The following DENND4A variants were observed in gnomAD, a reference collection of about 807,000 sequenced individuals.
DENND4A encodes the protein DENN domain containing 4A.
A neutral mutation model predicts 199.3 loss-of-function variants in DENND4A; 70 were observed. The observed-to-expected ratio is 0.35, with a 90% confidence interval of 0.29 to 0.43. The LOEUF (loss-of-function observed/expected upper bound fraction) is 0.43, where lower values mean the gene tolerates loss of function less well. Among genes scored for constraint, DENND4A ranks in the 20% least tolerant of loss-of-function variants. The probability of loss-of-function intolerance (pLI) is 1.00; values close to 1 mark genes in which losing one functional copy is unlikely to be tolerated. For synonymous variants in DENND4A, 686 were observed against 766.9 expected (o/e 0.89, Z 1.74); for missense variants, 1,723 against 2,255.8 (o/e 0.76, Z 4.78).
At chr15:65,733,703 A>T (rs1219939537) in intron 7 of DENND4A, among the ~76,000 whole-genome samples, 1 of 152,202 alleles carries the variant, frequency 6.6e-6, no homozygotes, top group Non-Finnish European at 1.5e-5. Flanking sequence ...GTGTAGAAAG[A>T]AGTAGACATA....
intron 6 of DENND4A, 77 bp from the exon 7 acceptor site, chr15:65,738,022 T>A: frequency 7.1e-7 from 1 of 1,413,596 alleles, no homozygotes; most frequent in Non-Finnish European, 9.4e-7. Flanking sequence ...AAATATTTAA[T>A]AAATGCTTGC....
At chr15:65,715,423 A>AT (rs1413929533) in intron 14 of DENND4A, 55 bp downstream of exon 14, 1 of 1,499,502 alleles carries the variant, frequency 6.7e-7, no homozygotes, top group Non-Finnish European at 9.0e-7. Flanking sequence ...AACTCATAAC[A>AT]TTTATAACAG....
intron 22 of DENND4A, among the ~76,000 whole-genome samples, chr15:65,695,836 A>G (rs370845989): frequency 6.6e-6 from 1 of 152,108 alleles, no homozygotes; most frequent in Non-Finnish European, 1.5e-5. Flanking sequence ...CAATCACTGA[A>G]GTATGCTTTA....
intron 1 of DENND4A, among the ~76,000 whole-genome samples, chr15:65,786,351 T>C (rs2141004515): frequency 6.6e-6 from 1 of 152,282 alleles, no homozygotes. Context: ...GACACAATCA[T>C]ATTAACAGCT....
chr15:65,728,859 A>G (rs1268925137), intron 11 of DENND4A: 1 of 570,398 alleles, frequency 1.8e-6, no homozygotes, highest in Non-Finnish European at 3.1e-6. Context: ...TGAGGATGAA[A>G]GGTATAGTCC....
intron 1 of DENND4A, among the ~76,000 whole-genome samples, chr15:65,791,730 A>G (rs1488624719): frequency 1.4e-5 from 2 of 143,010 alleles, no homozygotes; most frequent in African/African-American, 5.2e-5. Context: ...CAACAGCCCC[A>G]GGCCAGCCTG....
intron 1 of DENND4A, among the ~76,000 whole-genome samples, chr15:65,782,097 C>G (rs1033727882): frequency 3.9e-5 from 6 of 152,206 alleles, no homozygotes; most frequent in African/African-American, 1.4e-4. Context: ...ATTTTCTCAT[C>G]TGCAAAACTG....
intron 7 of DENND4A, among the ~76,000 whole-genome samples, chr15:65,735,574 G>A (rs1347918364): frequency 2.0e-5 from 3 of 152,156 alleles, no homozygotes; most frequent in Non-Finnish European, 4.4e-5. Context: ...TATAATTGCA[G>A]TAAAAGAGTG....
intron 6 of DENND4A, among the ~76,000 whole-genome samples, chr15:65,738,471 A>G (rs1470440254): frequency 6.6e-6 from 1 of 152,192 alleles, no homozygotes; most frequent in Non-Finnish European, 1.5e-5. Flanking sequence ...TAAATGAAGG[A>G]TCATCATTTG....
chr15:65,771,445 C>T lies in DENND4A; in HGVS notation c.-101-10007G>A, dbSNP rs1216861241. ...AAACACCACCCAAGTTTTCTGTCTGCGTTTTAATAGTTTGCCCTGTTCCAG... is the reference window on the plus strand; with the variant it reads ...AAACACCACCCAAGTTTTCTGTCTGTGTTTTAATAGTTTGCCCTGTTCCAG... On this transcript the variant is annotated intron_variant, in intron 1 of 32. Coordinates refer to ENST00000443035, the MANE Select transcript of DENND4A (RefSeq NM_001320835.1). 25 of 1,599,934 alleles carry T rather than the reference C, an allele frequency of 1.6e-5. No homozygotes were observed. The East Asian group carries it at 2.2e-4, about 14-fold the overall frequency.
At chr15:65,735,941 A>AT (rs2076102519) in intron 7 of DENND4A, among the ~76,000 whole-genome samples, 1 of 152,172 alleles carries the variant, frequency 6.6e-6, no homozygotes. Context: ...AAAATACAAA[A>AT]TTAGACAAGC....
chr15:65,682,548 C>T (rs533031477), intron 23 of DENND4A, among the ~76,000 whole-genome samples: 1 of 152,256 alleles, frequency 6.6e-6, no homozygotes, highest in Admixed American at 6.5e-5. Context: ...CCAGACCACT[C>T]AAACTTTCTC....
intron 1 of DENND4A, among the ~76,000 whole-genome samples, chr15:65,783,290 A>G (rs897141930): frequency 6.6e-6 from 1 of 152,226 alleles, no homozygotes; most frequent in Non-Finnish European, 1.5e-5. Flanking sequence ...GACTGAACAA[A>G]TAAGTTAATA....
chr15:65,757,405 T>G (rs28474963), intron 2 of DENND4A, among the ~76,000 whole-genome samples: 30,938 of 151,800 alleles, frequency 0.2, 4,213 homozygotes, highest in East Asian at 0.73. Flanking sequence ...TAGAAGGCAT[T>G]AAAAGCATGG....
At chr15:65,663,164 A>ATG (rs1292348377) in intron 32 of DENND4A, among the ~76,000 whole-genome samples, 2,337 of 128,516 alleles carry the variant, frequency 0.018, 15 homozygotes, top group East Asian at 0.11. Context: ...TTTTATATAT[A>ATG]TGTGTGTGTG....
chr15:65,741,270 T>C (rs970847763), intron 5 of DENND4A, among the ~76,000 whole-genome samples: 7 of 152,164 alleles, frequency 4.6e-5, no homozygotes, highest in Non-Finnish European at 1.0e-4. Flanking sequence ...AAGGTCACTA[T>C]GTTTGGTATT....
Position 65,732,776 on chromosome 15 carries a change from A to G in DENND4A, c.1083T>C (p.Pro361=). The G allele has an allele frequency of 6.2e-7, 1 of 1,605,520 alleles. No homozygotes were observed. Among genetic ancestry groups the G allele is most frequent in the South Asian group, 1.1e-5 (1 of 90,418 alleles). The part of the protein sequence containing the change: ...HFMHKVPFPS[P]QRPRILVQLS... ...CCTGAACTAAAATCCGTGGTCTCTG[A>G]GGAGATGGAAAAGGAACTTTATGCA... The change falls in exon 8 of 33, where the codon CCT becomes CCC. Residue 361 remains proline (P), a synonymous_variant. Coordinates refer to ENST00000443035, the MANE Select transcript of DENND4A (RefSeq NM_001320835.1).
At chr15:65,741,386 TCTTA>T (rs1331969891) in intron 5 of DENND4A, among the ~76,000 whole-genome samples, 1 of 152,222 alleles carries the variant, frequency 6.6e-6, no homozygotes, top group Non-Finnish European at 1.5e-5. Context: ...GAACTACAGC[TCTTA>T]CTAAATTTAA....
intron 15 of DENND4A, among the ~76,000 whole-genome samples, chr15:65,703,661 G>A (rs906780391): frequency 7.9e-5 from 12 of 152,140 alleles, no homozygotes; most frequent in African/African-American, 2.9e-4. Flanking sequence ...AAGATGCTCT[G>A]GACATTTCAA....
Sources: gnomAD v4.1 joint callset for allele counts (sites outside exome capture counted in the v4.1 genomes callset) on GRCh38, gnomAD v4.1.1 for gene constraint, MANE v1.5 for transcripts, NCBI Gene and HGNC (gene_info 2026-07-23, HGNC 2026-07-21) for gene names.